Variants in ENTREP2 observed in about 807,000 individuals in gnomAD.
ENTREP2 encodes the protein endosomal transmembrane epsin interactor 2, also known as protein ENTREP2.
At chr15:29,172,853 G>A in the ENTREP2 span, among the ~76,000 whole-genome samples, 1 of 152,040 alleles carries the variant, frequency 6.6e-6, no homozygotes, top group Non-Finnish European at 1.5e-5. Flanking sequence ...CTCTGAGGTG[G>A]CCTCCCAGTA....
At chr15:29,329,434 C>T in the ENTREP2 span, among the ~76,000 whole-genome samples, 1 of 151,914 alleles carries the variant, frequency 6.6e-6, no homozygotes, top group African/African-American at 2.4e-5. Flanking sequence ...CCATGATTGA[C>T]CGCACCTAAC....
chr15:29,308,603 G>A, the ENTREP2 span, among the ~76,000 whole-genome samples: 6,188 of 152,198 alleles, frequency 0.041, 404 homozygotes, highest in African/African-American at 0.14. Flanking sequence ...GCAACACAGG[G>A]ATAGGAGCTC....
the ENTREP2 span, among the ~76,000 whole-genome samples, chr15:29,380,634 T>A: frequency 1.3e-5 from 2 of 152,088 alleles, no homozygotes; most frequent in African/African-American, 4.8e-5. Flanking sequence ...TTAACCTCTC[T>A]CCATCTCCCG....
the ENTREP2 span, among the ~76,000 whole-genome samples, chr15:29,175,178 G>C: frequency 0.033 from 5,074 of 152,188 alleles, 289 homozygotes; most frequent in African/African-American, 0.12. Context: ...TGGGATTCTG[G>C]CTCCACCTTT....
the ENTREP2 span, among the ~76,000 whole-genome samples, chr15:29,277,753 A>G: frequency 6.6e-6 from 1 of 152,156 alleles, no homozygotes; most frequent in Admixed American, 6.5e-5. Flanking sequence ...TGTGTTCTCC[A>G]TATTTAACCC....
chr15:29,452,523 T>TA, the ENTREP2 span: 2 of 152,266 alleles, frequency 1.3e-5, no homozygotes, highest in Non-Finnish European at 2.9e-5. Context: ...CTTGGTAGTA[T>TA]CTGGCCTATC....
chr15:29,161,012 A>G, the ENTREP2 span, among the ~76,000 whole-genome samples: 1 of 152,176 alleles, frequency 6.6e-6, no homozygotes, highest in Admixed American at 6.5e-5. Context: ...CTGAATTATT[A>G]TCTTAAATGC....
At chr15:29,323,206 A>G in the ENTREP2 span, among the ~76,000 whole-genome samples, 6 of 152,332 alleles carry the variant, frequency 3.9e-5, no homozygotes, top group South Asian at 2.1e-4. Context: ...CTCACTGGAA[A>G]GACAGAGGCA....
the ENTREP2 span, among the ~76,000 whole-genome samples, chr15:29,561,715 T>TAATA: frequency 7.0e-5 from 6 of 85,150 alleles, no homozygotes; most frequent in South Asian, 3.6e-4. Context: ...AATAATAAAA[T>TAATA]AAATAAATAA....
the ENTREP2 span, among the ~76,000 whole-genome samples, chr15:29,175,185 C>T: frequency 3.3e-5 from 5 of 152,270 alleles, no homozygotes; most frequent in South Asian, 2.1e-4. Context: ...CTGGCTCCAC[C>T]TTTACAATCT....
chr15:29,460,750 C>T, the ENTREP2 span, among the ~76,000 whole-genome samples: 898 of 152,288 alleles, frequency 5.9e-3, 30 homozygotes, highest in South Asian at 0.084. Context: ...TATTAGGATT[C>T]TTCTAAGCTA....
At chr15:29,221,578 T>C in the ENTREP2 span, among the ~76,000 whole-genome samples, 3 of 152,102 alleles carry the variant, frequency 2.0e-5, no homozygotes, top group African/African-American at 7.2e-5. Context: ...AGACTGGCAC[T>C]CCTGAGGCAC....
the ENTREP2 span, among the ~76,000 whole-genome samples, chr15:29,510,718 A>C: frequency 6.6e-6 from 1 of 151,708 alleles, no homozygotes. Context: ...GAGGCAGGAG[A>C]ATGGCGTGAA....
chr15:29,190,653 G>A, the ENTREP2 span, among the ~76,000 whole-genome samples: 1 of 152,316 alleles, frequency 6.6e-6, no homozygotes, highest in African/African-American at 2.4e-5. Flanking sequence ...CATTAAGTCA[G>A]TATCAGTTAA....
the ENTREP2 span, among the ~76,000 whole-genome samples, chr15:29,158,073 T>G: frequency 0.22 from 33,763 of 152,194 alleles, 4,636 homozygotes; most frequent in Non-Finnish European, 0.31. Context: ...CTTTACTTTG[T>G]CCTCAATCTA....
the ENTREP2 span, among the ~76,000 whole-genome samples, chr15:29,371,911 A>AATAGATAGATAG: frequency 0.012 from 1,724 of 149,600 alleles, 15 homozygotes; most frequent in Non-Finnish European, 0.017. Context: ...AAAATAAATA[A>AATAGATAGATAG]ATAGATAGAT....
chr15:29,597,985 C>A, the ENTREP2 span, among the ~76,000 whole-genome samples: 3 of 152,024 alleles, frequency 2.0e-5, no homozygotes, highest in African/African-American at 7.2e-5. Context: ...AGCCAGGCCT[C>A]ATGGCATGCA....
the ENTREP2 span, among the ~76,000 whole-genome samples, chr15:29,423,262 C>G: frequency 6.6e-6 from 1 of 152,114 alleles, no homozygotes; most frequent in Non-Finnish European, 1.5e-5. Context: ...AGTGAAAATG[C>G]TGGCATAGGA....
the ENTREP2 span, among the ~76,000 whole-genome samples, chr15:29,159,057 T>A: frequency 6.6e-6 from 1 of 152,144 alleles, no homozygotes; most frequent in African/African-American, 2.4e-5. Flanking sequence ...TGGTAGTGTA[T>A]CTGGAATTGG....
Sources: gnomAD v4.1 joint callset for allele counts (sites outside exome capture counted in the v4.1 genomes callset) on GRCh38, gnomAD v4.1.1 for gene constraint, MANE v1.5 for transcripts, NCBI Gene and HGNC (gene_info 2026-07-23, HGNC 2026-07-21) for gene names.